Variants in EML4 observed in about 807,000 individuals in gnomAD.
EML4 encodes EMAP like 4.
EML4 carries 72 observed loss-of-function variants against 129.0 expected under a neutral mutation model. The ratio of observed to expected loss-of-function variants is 0.56; its 90% CI spans 0.46 to 0.68. The LOEUF (loss-of-function observed/expected upper bound fraction) is 0.68. Among genes scored for constraint, EML4 ranks in the 30% least tolerant of loss-of-function variants. The pLI is 0.00. For synonymous variants in EML4, 532 were observed against 405.0 expected, an observed-to-expected ratio of 1.31 and a Z score of -3.77; for missense variants, 1,363 against 1,190.6, an observed-to-expected ratio of 1.14 and a Z score of -2.13.
In EML4 at chr2:42,288,268, G is replaced by C; in HGVS notation, c.1164G>C (p.Glu388Asp). 6.3e-7 allele frequency: 1 copy of C among 1,575,006 alleles called. No individual in the cohort carries two copies. The highest frequency in any genetic ancestry group is 8.7e-7 in the Non-Finnish European group (1 of 1,149,796). ...TATGTATTATTGATGACTCCAATGA[G>C]CATATGCTTACTGTATGGGACTGGC... ...VHLCIIDDSN[E>D]HMLTVWDWQK... The change falls in exon 11 of 23, where the codon GAG becomes GAC. Residue 388 changes from glutamate (E) to aspartate (D), a missense_variant. Glu to Asp is a conservative substitution (Grantham distance 45). Transcript: ENST00000318522.
chr2:42,270,040 G>A (rs1666280067), intron 6 of EML4, among the ~76,000 whole-genome samples: 1 of 152,096 alleles, frequency 6.6e-6, no homozygotes, highest in Non-Finnish European at 1.5e-5. Flanking sequence ...ATTTGCTAAA[G>A]GAAATGATTT....
rs1186353645 is a variant in EML4 at position 42,286,081 on chromosome 2, C to G, written c.1012-188C>G. 3 of 625,758 alleles carry G rather than the reference C, an allele frequency of 4.8e-6. No homozygotes were observed. In the Admixed American group the frequency reaches 8.2e-5, roughly 17 times the overall value. The allele number at this position is 625,758 out of a possible 1,614,324, so 38.8% of individuals were successfully genotyped here. A position where few individuals can be genotyped will look rare whatever the true frequency, so the allele number is the denominator to read the frequency against. On this transcript the variant is annotated intron_variant, in intron 9 of 22. Transcript: ENST00000318522. ...TAGTAAATACACAAGTTATTTGCTG[C>G]TATTTTCTTATTTTCACAGTATAAG... is the stretch of plus-strand genomic sequence containing the variant.
At chr2:42,260,366 C>T (rs182258775) in intron 3 of EML4, among the ~76,000 whole-genome samples, 10 of 152,284 alleles carry the variant, frequency 6.6e-5, no homozygotes, top group Admixed American at 6.5e-4. Flanking sequence ...CGGGGTTTCA[C>T]CATGTTGCCT....
At chr2:42,263,067 T>C (rs775677349) in intron 4 of EML4, 111 bp from the exon 5 acceptor site, 1 of 871,896 alleles carries the variant, frequency 1.1e-6, no homozygotes, top group Non-Finnish European at 1.7e-6. Flanking sequence ...TTCTCTTTTC[T>C]GGATTAGCTT....
intron 1 of EML4, among the ~76,000 whole-genome samples, chr2:42,244,388 C>T (rs919765075): frequency 5.9e-5 from 9 of 152,098 alleles, no homozygotes; most frequent in East Asian, 1.9e-4. Flanking sequence ...TGAGCCACCG[C>T]GCCCAGCCAG....
intron 1 of EML4, among the ~76,000 whole-genome samples, chr2:42,243,657 C>G (rs1410423227): frequency 6.6e-6 from 1 of 152,028 alleles, no homozygotes; most frequent in Admixed American, 6.6e-5. Context: ...ATATCTACGT[C>G]TCAAAGATAA....
At chr2:42,329,059 T>A (rs1669962592) in intron 22 of EML4, 43 bp downstream of exon 22, 2 of 1,573,474 alleles carry the variant, frequency 1.3e-6, no homozygotes. Context: ...AGGCCTTCTG[T>A]CCAGGGATGA....
intron 4 of EML4, among the ~76,000 whole-genome samples, chr2:42,262,952 A>G (rs1225127038): frequency 6.6e-6 from 1 of 152,184 alleles, no homozygotes; most frequent in Non-Finnish European, 1.5e-5. Context: ...ATCAGGTAAT[A>G]TTTGTTCTAG....
At chr2:42,315,100 C>A (rs1669172569) in intron 17 of EML4, among the ~76,000 whole-genome samples, 1 of 151,554 alleles carries the variant, frequency 6.6e-6, no homozygotes, top group Admixed American at 6.6e-5. Flanking sequence ...TCCCTCACAC[C>A]TTCATATTGT....
intron 4 of EML4, among the ~76,000 whole-genome samples, chr2:42,262,624 A>C (rs1412502036): frequency 1.3e-5 from 2 of 152,198 alleles, no homozygotes; most frequent in Admixed American, 6.5e-5. Context: ...AACAAATTTC[A>C]CTTATAAGTA....
intron 1 of EML4, among the ~76,000 whole-genome samples, chr2:42,218,000 A>G (rs144654365): frequency 2.0e-5 from 3 of 152,208 alleles, no homozygotes; most frequent in African/African-American, 7.2e-5. Context: ...GTAGTCTGTA[A>G]TGAAGTGGGC....
intron 13 of EML4, among the ~76,000 whole-genome samples, chr2:42,300,618 A>G (rs1055053712): frequency 2.0e-5 from 3 of 152,212 alleles, no homozygotes; most frequent in Admixed American, 6.5e-5. Context: ...CTTTGTCCCA[A>G]TAACTTCTGT....
chr2:42,275,199 C>A (rs943428527), intron 6 of EML4, among the ~76,000 whole-genome samples: 20 of 152,142 alleles, frequency 1.3e-4, no homozygotes, highest in Non-Finnish European at 2.5e-4. Context: ...AGCCAAAATA[C>A]TGTCATTTTG....
chr2:42,308,645 A>G (rs1668752314), intron 17 of EML4, among the ~76,000 whole-genome samples: 1 of 152,220 alleles, frequency 6.6e-6, no homozygotes, highest in Non-Finnish European at 1.5e-5. Context: ...TAATTCAGTA[A>G]GTTCACAGGG....
chr2:42,260,298 G>T (rs1309519670), intron 3 of EML4, among the ~76,000 whole-genome samples: 1 of 152,168 alleles, frequency 6.6e-6, no homozygotes, highest in African/African-American at 2.4e-5. Context: ...CTCCCGAGTA[G>T]CTGGGATTAC....
intron 1 of EML4, among the ~76,000 whole-genome samples, chr2:42,199,575 GAA>G (rs1312647701): frequency 6.6e-6 from 1 of 152,290 alleles, no homozygotes; most frequent in East Asian, 1.9e-4. Context: ...AGGTATAAGA[GAA>G]AGAATAGTTG....
chr2:42,231,927 C>T (rs1197522612), intron 1 of EML4, among the ~76,000 whole-genome samples: 1 of 150,710 alleles, frequency 6.6e-6, no homozygotes, highest in Non-Finnish European at 1.5e-5. Context: ...CCAGCCTGGG[C>T]AACAGAGTGA....
intron 6 of EML4, among the ~76,000 whole-genome samples, chr2:42,270,618 T>C (rs1162944038): frequency 2.0e-5 from 3 of 152,222 alleles, no homozygotes; most frequent in Non-Finnish European, 4.4e-5. Flanking sequence ...TCGATAAAGA[T>C]ATATAATAGC....
intron 2 of EML4, among the ~76,000 whole-genome samples, chr2:42,250,983 A>G (rs894809874): frequency 2.0e-5 from 3 of 152,114 alleles, no homozygotes; most frequent in East Asian, 1.9e-4. Flanking sequence ...ACAGTTCACA[A>G]TAGGATTTGT....
Sources: gnomAD v4.1 joint callset for allele counts (sites outside exome capture counted in the v4.1 genomes callset) on GRCh38, gnomAD v4.1.1 for gene constraint, MANE v1.5 for transcripts, NCBI Gene and HGNC (gene_info 2026-07-23, HGNC 2026-07-21) for gene names.